The following ZC3H11A variants were observed in gnomAD, a reference collection of about 807,000 sequenced individuals.
ZC3H11A encodes zinc finger CCCH-type containing 11A, also known as zinc finger CCCH domain-containing protein 11A.
ZC3H11A carries 22 observed loss-of-function variants against 90.8 expected under a neutral mutation model. The ratio of observed to expected loss-of-function variants is 0.24; its 90% CI spans 0.17 to 0.35. The LOEUF (loss-of-function observed/expected upper bound fraction) is 0.35, where lower values mean the gene tolerates loss of function less well. Ranked by LOEUF, ZC3H11A falls within the 10% of genes least tolerant of loss-of-function variation. The pLI is 1.00. For synonymous variants in ZC3H11A, 294 were observed against 339.8 expected (o/e 0.87, Z 1.48); for missense variants, 701 against 964.9 (o/e 0.73, Z 3.62).
At chr1:203,804,151 TG>T (rs66529830) in intron 2 of ZC3H11A, among the ~76,000 whole-genome samples, 18,427 of 142,414 alleles carry the variant, frequency 0.13, 1,481 homozygotes, top group African/African-American at 0.15. Context: ...CCTGTATATG[TG>T]TTTTTTTTTT....
intron 2 of ZC3H11A, among the ~76,000 whole-genome samples, chr1:203,813,137 CT>C (rs2102687004): frequency 6.6e-6 from 1 of 152,008 alleles, no homozygotes; most frequent in South Asian, 2.1e-4. Flanking sequence ...TCTTAAGCTT[CT>C]TAACAGAGCT....
Position 203,815,202 on chromosome 1 carries a change from C to T in ZC3H11A, c.-145-1724C>T, listed in dbSNP as rs1675851367. On this transcript the variant is annotated intron_variant, in intron 2 of 17. Coordinates refer to ENST00000367210, the MANE Select transcript of ZC3H11A (RefSeq NM_001376342.1). Reference sequence around the variant, plus strand: ...TTTCTAGATGTTATTTCATTATTTTCTTCCTTTTCTTTTCTTTTTTTTTTT... The same window carrying T: ...TTTCTAGATGTTATTTCATTATTTTTTTCCTTTTCTTTTCTTTTTTTTTTT... Among the ~76,000 whole-genome samples the T allele has an allele frequency of 4.1e-5, 3 of 73,638 alleles. No homozygotes were observed. The South Asian group carries it at 1.6e-3, about 40-fold the overall frequency. The allele number at this position is 73,638 out of a possible 152,430, so 48.3% of individuals were successfully genotyped here.
intron 15 of ZC3H11A, 166 bp from the exon 16 acceptor site, chr1:203,850,349 C>A: frequency 1.0e-6 from 1 of 980,118 alleles, no homozygotes. Context: ...CCTGTAGTGA[C>A]CACCATGTGA....
intron 7 of ZC3H11A, 69 bp from the exon 8 acceptor site, chr1:203,830,054 C>T (rs1444594523): frequency 7.3e-7 from 1 of 1,374,390 alleles, no homozygotes; most frequent in Non-Finnish European, 1.0e-6. Flanking sequence ...TAAATGCCTG[C>T]TATGTACAGA....
chr1:203,818,705 C>T lies in ZC3H11A; in HGVS notation c.174+16C>T. On this transcript the variant is annotated intron_variant, in intron 4 of 17. Transcript: ENST00000367210. ...GGAGATTGATGTAAGTTTTTTATTT[C>T]CGTTATCATAATAAGTAGTCTGGAG... is the stretch of plus-strand genomic sequence containing the variant. 6.2e-7 allele frequency: 1 copy of T among 1,613,836 alleles called. No homozygotes were observed. Among genetic ancestry groups the T allele is most frequent in the South Asian group, 1.1e-5 (1 of 91,066 alleles).
Position 203,824,268 on chromosome 1 carries a change from C to G in ZC3H11A, c.175-4031C>G, listed in dbSNP as rs1023941664. On this transcript the variant is annotated intron_variant, in intron 4 of 17. Coordinates refer to ENST00000367210, the MANE Select transcript of ZC3H11A (RefSeq NM_001376342.1). ...GGGCTACACAGTAAGACTCCCATCTCAAAATTAAAAAAAAAAAAAAAAGAG... is the reference window on the plus strand; with the variant it reads ...GGGCTACACAGTAAGACTCCCATCTGAAAATTAAAAAAAAAAAAAAAAGAG... Among the ~76,000 whole-genome samples, 6 of 63,278 alleles carry G rather than the reference C, an allele frequency of 9.5e-5. No individual in the cohort carries two copies. In the Middle Eastern group the frequency reaches 0.039, roughly 414 times the overall value. The allele number at this position is 63,278 out of a possible 152,430, so 41.5% of individuals were successfully genotyped here.
intron 12 of ZC3H11A, among the ~76,000 whole-genome samples, chr1:203,841,525 A>G (rs1185045434): frequency 6.6e-6 from 1 of 152,238 alleles, no homozygotes; most frequent in Non-Finnish European, 1.5e-5. Flanking sequence ...CTTAGTACAG[A>G]ACAAAATGGA....
intron 1 of ZC3H11A, chr1:203,799,494 C>G (rs1323895920): frequency 1.4e-6 from 1 of 702,894 alleles, no homozygotes; most frequent in Non-Finnish European, 2.6e-6. Flanking sequence ...GTTAAAATGG[C>G]TCTTGGAGCA....
chr1:203,851,522 G>A (rs923302782), intron 17 of ZC3H11A, among the ~76,000 whole-genome samples: 7 of 152,072 alleles, frequency 4.6e-5, no homozygotes, highest in African/African-American at 1.7e-4. Flanking sequence ...TAGTGACAGG[G>A]TTTTGCCACA....
chr1:203,815,180 C>G (rs924070922), intron 2 of ZC3H11A, among the ~76,000 whole-genome samples: 5 of 137,732 alleles, frequency 3.6e-5, no homozygotes, highest in Non-Finnish European at 6.3e-5. Flanking sequence ...AGTTAGGTTT[C>G]TAGATGTTAT....
At chr1:203,815,693 T>C (rs111372177) in intron 2 of ZC3H11A, among the ~76,000 whole-genome samples, 1,607 of 152,326 alleles carry the variant, frequency 0.011, 19 homozygotes, top group African/African-American at 0.035. Context: ...TCCAGGTTGT[T>C]AACATCAAGG....
At chr1:203,806,069 C>T in intron 2 of ZC3H11A, 1 of 511,170 alleles carries the variant, frequency 2.0e-6, no homozygotes, top group Non-Finnish European at 3.8e-6. Context: ...TGTTTTAAAA[C>T]TCGCAAGGCT....
At chr1:203,821,407 T>A (rs1455401996) in intron 4 of ZC3H11A, among the ~76,000 whole-genome samples, 1 of 152,200 alleles carries the variant, frequency 6.6e-6, no homozygotes, top group Non-Finnish European at 1.5e-5. Context: ...AATCAGTGTG[T>A]CGTACTCTGT....
chr1:203,832,906 C>A (rs1194653982), intron 9 of ZC3H11A, among the ~76,000 whole-genome samples: 1 of 152,154 alleles, frequency 6.6e-6, no homozygotes, highest in Non-Finnish European at 1.5e-5. Context: ...GTTAAGAATA[C>A]AATCTGTCTT....
Position 203,836,656 on chromosome 1 carries a change from A to G in ZC3H11A, c.875-1310A>G, listed in dbSNP as rs193142615. ...CCAGGCATGGTGGCATGCGCCTGTA[A>G]TTCCAGCTACTCGGGAGGCTGAGGT... On this transcript the variant is annotated intron_variant, in intron 10 of 17. Transcript: ENST00000367210. Among the ~76,000 whole-genome samples the G allele has an allele frequency of 3.0e-3, 454 of 152,328 alleles. 2 individuals carry two copies. In the Middle Eastern group the frequency reaches 0.031, roughly 10 times the overall value.
At chr1:203,834,237 A>G (rs1683449070) in intron 10 of ZC3H11A, 1 of 252,356 alleles carries the variant, frequency 4.0e-6, no homozygotes, top group Non-Finnish European at 6.3e-6. Context: ...ATGTATATAT[A>G]AAATTTGAGT....
At chr1:203,845,565 T>G (rs903593624) in intron 12 of ZC3H11A, among the ~76,000 whole-genome samples, 2 of 152,270 alleles carry the variant, frequency 1.3e-5, no homozygotes, top group African/African-American at 4.8e-5. Flanking sequence ...TTAAGCTGAA[T>G]TCAGTTGAAA....
At chr1:203,842,924 C>CT (rs35820616) in intron 12 of ZC3H11A, among the ~76,000 whole-genome samples, 111,636 of 146,710 alleles carry the variant, frequency 0.76, 42,451 homozygotes, top group East Asian at 0.81. Flanking sequence ...AGCCTTCCGT[C>CT]TTTTTTTTTT....
chr1:203,850,163 T>A, intron 15 of ZC3H11A, 137 bp downstream of exon 15: 1 of 771,842 alleles, frequency 1.3e-6, no homozygotes, highest in Non-Finnish European at 2.1e-6. Flanking sequence ...GTAATATTTC[T>A]GATATTTTTA....
Sources: allele counts gnomAD v4.1 joint callset (sites outside exome capture counted in the v4.1 genomes callset), GRCh38; gene constraint gnomAD v4.1.1; transcripts MANE v1.5; gene names NCBI Gene and HGNC (gene_info 2026-07-23, HGNC 2026-07-21).